TAFA2: variants seen among roughly 807,000 people sequenced by gnomAD.
The protein encoded by TAFA2 is chemokine-like protein TAFA-2.
In TAFA2, 7 loss-of-function variants were observed where a neutral mutation model predicts 18.8. The observed-to-expected ratio is 0.37, with a 90% CI of 0.21 to 0.70. The LOEUF is 0.70. Among genes scored for constraint, TAFA2 ranks in the 30% least tolerant of loss-of-function variants. The pLI, the probability that TAFA2 is intolerant of heterozygous loss-of-function variation, is 0.53. For synonymous variants in TAFA2, 60 were observed against 54.2 expected (o/e 1.11, Z -0.47); for missense variants, 122 against 158.1 (o/e 0.77, Z 1.23).
chr12:62,059,650 C>G (rs1363569872), intron 1 of TAFA2, among the ~76,000 whole-genome samples: 2 of 152,080 alleles, frequency 1.3e-5, no homozygotes, highest in African/African-American at 2.4e-5. Context: ...ATGTGGCCAC[C>G]TGAAGAAAAG....
chr12:61,911,116 T>G (rs187672896), intron 1 of TAFA2, among the ~76,000 whole-genome samples: 1 of 152,342 alleles, frequency 6.6e-6, no homozygotes, highest in East Asian at 1.9e-4. Flanking sequence ...TACCTTACAC[T>G]TTCTAGGCCA....
At chr12:62,225,026 G>A (rs975672842) in intron 1 of TAFA2, among the ~76,000 whole-genome samples, 12 of 152,052 alleles carry the variant, frequency 7.9e-5, no homozygotes, top group African/African-American at 1.9e-4. Context: ...CCCAGGAGGC[G>A]GAGGTTACAG....
intron 1 of TAFA2, among the ~76,000 whole-genome samples, chr12:62,057,940 T>C (rs1291264653): frequency 6.6e-6 from 1 of 152,216 alleles, no homozygotes; most frequent in Non-Finnish European, 1.5e-5. Flanking sequence ...TCTGAATTCA[T>C]TATTTATAAT....
intron 2 of TAFA2, among the ~76,000 whole-genome samples, chr12:61,825,485 G>A (rs895555394): frequency 1.3e-5 from 2 of 152,128 alleles, no homozygotes; most frequent in Admixed American, 6.6e-5. Flanking sequence ...TTGAGGAGGA[G>A]AAAGGTAAGG....
In TAFA2 at chr12:61,785,463, AG is replaced by A. The variant is rs1302615700; in HGVS notation, c.107-30440del. 9.3e-5 allele frequency among the ~76,000 whole-genome samples: 14 copies of A among 151,340 alleles called. No individual in the cohort carries two copies. In the Admixed American group the frequency reaches 9.3e-4, roughly 10 times the overall value. On this transcript the variant is annotated intron_variant, in intron 2 of 4. Transcript: ENST00000416284. ...GGGTCACTTTATTTTCTGACTCATA[AG>A]GAATCACAGTAATTGAACATGATAT... is the stretch of plus-strand genomic sequence containing the variant.
At chr12:62,013,621 G>C (rs73312258) in intron 1 of TAFA2, among the ~76,000 whole-genome samples, 197 of 152,280 alleles carry the variant, frequency 1.3e-3, no homozygotes, top group African/African-American at 4.3e-3. Flanking sequence ...TAATACCACA[G>C]TGTGAGTAAT....
chr12:62,024,462 A>C (rs1272409246), intron 1 of TAFA2, among the ~76,000 whole-genome samples: 1 of 152,164 alleles, frequency 6.6e-6, no homozygotes, highest in African/African-American at 2.4e-5. Context: ...AGACAAAGTT[A>C]ATGTCCCATA....
At chr12:62,190,194 G>A (rs924208019) in intron 1 of TAFA2, among the ~76,000 whole-genome samples, 2 of 152,088 alleles carry the variant, frequency 1.3e-5, no homozygotes, top group Admixed American at 6.5e-5. Context: ...CGGTCAGGAC[G>A]TGGAATACTC....
At chr12:61,775,703 G>A (rs1010996069) in intron 2 of TAFA2, among the ~76,000 whole-genome samples, 2 of 151,858 alleles carry the variant, frequency 1.3e-5, no homozygotes, top group African/African-American at 4.8e-5. Context: ...CACTATAATA[G>A]TGGATACATG....
chr12:61,711,373 T>C (rs1211183794), intron 4 of TAFA2, among the ~76,000 whole-genome samples: 1 of 151,926 alleles, frequency 6.6e-6, no homozygotes, highest in Non-Finnish European at 1.5e-5. Context: ...TTCTGCTGTG[T>C]TAATAAATTT....
chr12:62,190,860 C>G (rs2062618092), intron 1 of TAFA2, among the ~76,000 whole-genome samples: 1 of 152,142 alleles, frequency 6.6e-6, no homozygotes, highest in Non-Finnish European at 1.5e-5. Context: ...CCCCCAACTC[C>G]TTATTAAGAG....
At position 62,191,272 on chromosome 12, in the gene TAFA2, T is replaced by C. The variant is rs1001328670; in HGVS notation, c.-15A>G. On this transcript the variant is annotated 5_prime_UTR_variant, in exon 1 of 5. Transcript: ENST00000416284. ...GCTCGCACCTACCTGCAGCCCCGCT[T>C]CCCGGTGGCGGCAACACCTAGCGAT... 6.6e-5 allele frequency: 10 copies of C among 152,276 alleles called. No homozygotes were observed. Among genetic ancestry groups the C allele is most frequent in the African/African-American group, 2.4e-4 (10 of 41,570 alleles). The allele number at this position is 152,276 out of a possible 1,614,324, so 9.4% of individuals were successfully genotyped here. A position where few individuals can be genotyped will look rare whatever the true frequency, so the allele number is the denominator to read the frequency against.
chr12:61,779,650 AT>A (rs1349519397), intron 2 of TAFA2, among the ~76,000 whole-genome samples: 2 of 151,882 alleles, frequency 1.3e-5, no homozygotes, highest in Non-Finnish European at 2.9e-5. Context: ...GTGGGGATAA[AT>A]CATAGAAAAG....
intron 1 of TAFA2, among the ~76,000 whole-genome samples, chr12:61,957,317 C>T (rs1452458706): frequency 6.6e-6 from 1 of 152,096 alleles, no homozygotes; most frequent in Non-Finnish European, 1.5e-5. Context: ...GTAGGGAAGA[C>T]TTTATTCATG....
At chr12:61,717,556 G>T (rs904369427) in intron 4 of TAFA2, among the ~76,000 whole-genome samples, 1 of 152,066 alleles carries the variant, frequency 6.6e-6, no homozygotes, top group East Asian at 1.9e-4. Context: ...CTTCAGCTAG[G>T]ATCAACATTT....
intron 1 of TAFA2, among the ~76,000 whole-genome samples, chr12:61,890,158 T>C (rs752482289): frequency 6.6e-6 from 1 of 152,248 alleles, no homozygotes; most frequent in Non-Finnish European, 1.5e-5. Context: ...TTGCTGAGTG[T>C]AGGCTTCCCA....
intron 1 of TAFA2, among the ~76,000 whole-genome samples, chr12:62,087,713 G>A (rs1868515374): frequency 6.6e-6 from 1 of 152,058 alleles, no homozygotes; most frequent in Non-Finnish European, 1.5e-5. Flanking sequence ...GGATTTTTGA[G>A]CAGGAGAATT....
intron 1 of TAFA2, among the ~76,000 whole-genome samples, chr12:62,034,858 A>G (rs1366936462): frequency 6.6e-6 from 1 of 152,234 alleles, no homozygotes; most frequent in East Asian, 1.9e-4. Flanking sequence ...AGCAATGCTC[A>G]TTAAATTTTT....
chr12:62,112,240 C>T (rs1337714497), intron 1 of TAFA2, among the ~76,000 whole-genome samples: 1 of 152,078 alleles, frequency 6.6e-6, no homozygotes, highest in Non-Finnish European at 1.5e-5. Flanking sequence ...TTCTCCTTTG[C>T]TTATGAAGCT....
Sources: allele counts gnomAD v4.1 joint callset (sites outside exome capture counted in the v4.1 genomes callset), GRCh38; gene constraint gnomAD v4.1.1; transcripts MANE v1.5; gene names NCBI Gene and HGNC (gene_info 2026-07-23, HGNC 2026-07-21).